The following ASB11 variants were observed in gnomAD, a reference collection of about 807,000 sequenced individuals.
ASB11 encodes ankyrin repeat and SOCS box containing 11.
In ASB11, 17 loss-of-function variants were observed where a neutral mutation model predicts 20.1. That is an observed-to-expected ratio of 0.85 (90% CI 0.58 to 1.27). The LOEUF (loss-of-function observed/expected upper bound fraction) is 1.27. Among genes scored for constraint, ASB11 ranks in the 50% most tolerant of loss-of-function variants. The pLI is 0.00. For synonymous variants in ASB11, 107 were observed against 105.6 expected (o/e 1.01, Z -0.08); for missense variants, 259 against 256.9 (o/e 1.01, Z -0.06).
intron 6 of ASB11, among the ~76,000 whole-genome samples, chrX:15,284,168 C>G (rs12006826): frequency 0.014 from 1,418 of 103,172 alleles, 28 homozygotes; most frequent in African/African-American, 0.049. Context: ...AGGAGAATGG[C>G]GTGAACCCGG....
chrX:15,285,451 T>C (rs748788870), intron 6 of ASB11, among the ~76,000 whole-genome samples: 1 of 110,627 alleles, frequency 9.0e-6, no homozygotes, highest in South Asian at 3.9e-4. Context: ...TATTAATCTT[T>C]CTAGAGCAAG....
intron 3 of ASB11, among the ~76,000 whole-genome samples, chrX:15,294,047 T>A (rs965122434): frequency 9.1e-6 from 1 of 110,130 alleles, no homozygotes; most frequent in Non-Finnish European, 1.9e-5. Context: ...TAAAAATAAA[T>A]AAATAAAATT....
At chrX:15,311,151 T>C (rs1265749420) in intron 1 of ASB11, among the ~76,000 whole-genome samples, 3 of 112,760 alleles carry the variant, frequency 2.7e-5, no homozygotes, top group Non-Finnish European at 5.6e-5. Context: ...ATAGAATGTA[T>C]TTCCTGAGAT....
At chrX:15,284,961 A>G (rs1426993518) in intron 6 of ASB11, among the ~76,000 whole-genome samples, 1 of 111,217 alleles carries the variant, frequency 9.0e-6, no homozygotes, top group Non-Finnish European at 1.9e-5. Context: ...TGAGATAGAA[A>G]GCTACCTGGA....
chrX:15,302,115 A>C (rs1186114670), intron 2 of ASB11, among the ~76,000 whole-genome samples: 7 of 111,582 alleles, frequency 6.3e-5, no homozygotes, highest in Non-Finnish European at 1.1e-4. Flanking sequence ...CTGCCATCTC[A>C]TGACACAGCC....
At chrX:15,302,895 T>TGGGGGAAGAG in intron 1 of ASB11, 88 bp from the exon 2 acceptor site, 2 of 862,573 alleles carry the variant, frequency 2.3e-6, no homozygotes, top group East Asian at 6.3e-5. Context: ...AGAGGAGGTT[T>TGGGGGAAGAG]GGGGGAAGAG....
At chrX:15,314,589 GAA>G in intron 1 of ASB11, 1 of 973,502 alleles carries the variant, frequency 1.0e-6, no homozygotes, top group Non-Finnish European at 1.3e-6. Flanking sequence ...AGACTATTTT[GAA>G]AGAGAATCCT....
At position 15,295,155 on chromosome X, in the gene ASB11, G is replaced by C. The variant is rs530359592; in HGVS notation, c.370-1835C>G. Among the ~76,000 whole-genome samples the C allele has an allele frequency of 2.7e-5, 3 of 111,273 alleles. No individual in the cohort carries two copies. In the Admixed American group the frequency reaches 2.9e-4, roughly 11 times the overall value. On this transcript the variant is annotated intron_variant, in intron 3 of 6. Coordinates refer to ENST00000480796, the MANE Select transcript of ASB11 (RefSeq NM_080873.3). ...CCTCCTGGGTTCAAGAGATTCTGCT[G>C]CCTTAGGCTCCCAAGAAGCTGGGAC... is the stretch of plus-strand genomic sequence containing the variant.
intron 6 of ASB11, among the ~76,000 whole-genome samples, chrX:15,287,145 C>T (rs1299132513): frequency 2.3e-4 from 26 of 111,507 alleles, no homozygotes; most frequent in Non-Finnish European, 4.3e-4. Context: ...CAAACAACCT[C>T]ACCATTTAGT....
At chrX:15,298,229 A>G (rs1396546229) in intron 2 of ASB11, among the ~76,000 whole-genome samples, 1 of 112,120 alleles carries the variant, frequency 8.9e-6, no homozygotes, top group Non-Finnish European at 1.9e-5. Context: ...CAAATGAGGT[A>G]GTATTTAGCT....
intron 2 of ASB11, among the ~76,000 whole-genome samples, chrX:15,302,027 T>C (rs1921083435): frequency 9.0e-6 from 1 of 111,353 alleles, no homozygotes; most frequent in Non-Finnish European, 1.9e-5. Flanking sequence ...TGACAGAATG[T>C]CACTTCGGAG....
chrX:15,292,089 A>G (rs1927549998), intron 4 of ASB11: 1 of 110,777 alleles, frequency 9.0e-6, no homozygotes, highest in Non-Finnish European at 1.9e-5. Context: ...GTAGTTCATT[A>G]CTCTACAACT....
intron 2 of ASB11, among the ~76,000 whole-genome samples, chrX:15,299,872 A>G (rs762948059): frequency 4.5e-5 from 5 of 111,313 alleles, no homozygotes; most frequent in Non-Finnish European, 9.4e-5. Flanking sequence ...CTGAACCCCG[A>G]ACTCCTACTT....
intron 1 of ASB11, among the ~76,000 whole-genome samples, chrX:15,313,711 A>G (rs1377395211): frequency 1.8e-5 from 2 of 111,725 alleles, no homozygotes; most frequent in Non-Finnish European, 3.8e-5. Flanking sequence ...AATTCAAACC[A>G]TGCTTACATG....
At chrX:15,298,334 A>T in intron 2 of ASB11, among the ~76,000 whole-genome samples, 1 of 110,861 alleles carries the variant, frequency 9.0e-6, no homozygotes, top group Non-Finnish European at 1.9e-5. Context: ...AAGCAACAGG[A>T]AGTTATTTCC....
At chrX:15,308,474 C>G (rs138213704) in intron 1 of ASB11, among the ~76,000 whole-genome samples, 1 of 112,007 alleles carries the variant, frequency 8.9e-6, no homozygotes, top group East Asian at 2.8e-4. Context: ...CAAGTTGTCT[C>G]TCTAAGCAGA....
rs150669378 is a variant in ASB11, at chrX:15,306,401, T to C, written c.182-3594A>G. ...CTTTAGTTGGTTGAAAGCTGACAAG[T>C]AGAATATTTTAAACTCTCTTTGAGG... On this transcript the variant is annotated intron_variant, in intron 1 of 6. Coordinates refer to ENST00000480796, the MANE Select transcript of ASB11 (RefSeq NM_080873.3). 7.9e-3 allele frequency among the ~76,000 whole-genome samples: 888 copies of C among 111,968 alleles called. 6 individuals are homozygous for C. The highest frequency in any genetic ancestry group is 0.013 in the Non-Finnish European group (679 of 53,215).
At chrX:15,303,510 T>C (rs946992173) in intron 1 of ASB11, among the ~76,000 whole-genome samples, 2 of 111,981 alleles carry the variant, frequency 1.8e-5, no homozygotes, top group Non-Finnish European at 3.8e-5. Context: ...ATCTGCTTCA[T>C]TTGATAATGA....
At chrX:15,302,609 C>T (rs1188993415) in intron 2 of ASB11, 119 bp downstream of exon 2, 6 of 679,767 alleles carry the variant, frequency 8.8e-6, no homozygotes, top group East Asian at 3.5e-5. Flanking sequence ...ATACGTGCCT[C>T]GAATGGCAAT....
Sources: gnomAD v4.1 joint callset for allele counts (sites outside exome capture counted in the v4.1 genomes callset) on GRCh38, gnomAD v4.1.1 for gene constraint, MANE v1.5 for transcripts, NCBI Gene and HGNC (gene_info 2026-07-23, HGNC 2026-07-21) for gene names.